Variants in RFC3 observed in about 807,000 individuals in gnomAD.
The protein encoded by RFC3 is A1 38 kDa subunit.
A neutral mutation model predicts 45.1 loss-of-function variants in RFC3; 41 were observed. That is an observed-to-expected ratio of 0.91 (90% CI 0.71 to 1.18). The LOEUF (loss-of-function observed/expected upper bound fraction) is 1.18. RFC3 is among the 50% of genes most tolerant of loss of function. RFC3 has a pLI of 0.00. For missense variants in RFC3, 423 were observed against 428.1 expected, an observed-to-expected ratio of 0.99 and a Z score of 0.10; for synonymous variants, 149 against 144.0, an observed-to-expected ratio of 1.03 and a Z score of -0.25.
chr13:33,832,589 G>T (rs553900281), intron 7 of RFC3, among the ~76,000 whole-genome samples: 1 of 152,080 alleles, frequency 6.6e-6, no homozygotes, highest in Non-Finnish European at 1.5e-5. Context: ...TGAAGAAATC[G>T]ATAGTTTTCT....
In RFC3 at chr13:33,915,800, A is replaced by C. The variant is rs538363561; in HGVS notation, c.880-50287A>C. Among the ~76,000 whole-genome samples the C allele has an allele frequency of 4.0e-4, 60 of 150,708 alleles. 1 individual carries two copies. The South Asian group carries it at 0.012, about 30-fold the overall frequency. On this transcript the variant is annotated intron_variant, in intron 8 of 8. Transcript: ENST00000434425. ...GCAATAATTATATTTCTATATTTCTATATATATATATATTTTGAGAGAGAG... is the reference window on the plus strand; with the variant it reads ...GCAATAATTATATTTCTATATTTCTCTATATATATATATTTTGAGAGAGAG...
intron 8 of RFC3, among the ~76,000 whole-genome samples, chr13:33,961,727 C>T (rs2083058292): frequency 6.6e-6 from 1 of 152,160 alleles, no homozygotes; most frequent in Non-Finnish European, 1.5e-5. Context: ...ACAAGAGGAA[C>T]ACTCAAGACA....
intron 8 of RFC3, among the ~76,000 whole-genome samples, chr13:33,845,459 CT>C (rs1402928050): frequency 6.6e-6 from 1 of 152,002 alleles, no homozygotes; most frequent in Admixed American, 6.6e-5. Flanking sequence ...ATGCTTCATT[CT>C]TTTTTATTCT....
downstream of RFC3, among the ~76,000 whole-genome samples, chr13:33,842,096 A>G (rs1314043636): frequency 6.6e-6 from 1 of 152,144 alleles, no homozygotes; most frequent in African/African-American, 2.4e-5. Flanking sequence ...TCTGGGCAAC[A>G]TATTGAGACC....
At chr13:33,971,276 A>G (rs141507783), downstream of RFC3, among the ~76,000 whole-genome samples, 2 of 152,314 alleles carry the variant, frequency 1.3e-5, no homozygotes, top group South Asian at 2.1e-4. Context: ...TTGACCTTTG[A>G]GTTTTTATAA....
intron 8 of RFC3, among the ~76,000 whole-genome samples, chr13:33,928,893 A>T (rs2082834052): frequency 6.6e-6 from 1 of 152,102 alleles, no homozygotes; most frequent in South Asian, 2.1e-4. Context: ...TAGAATTGGG[A>T]TTCTTTGTAG....
chr13:33,897,303 T>G (rs1662148111), intron 8 of RFC3, among the ~76,000 whole-genome samples: 1 of 152,058 alleles, frequency 6.6e-6, no homozygotes, highest in South Asian at 2.1e-4. Context: ...TTCTATTCTT[T>G]GTTTCTATTT....
intron 8 of RFC3, among the ~76,000 whole-genome samples, chr13:33,835,607 C>T (rs2082146529): frequency 6.6e-6 from 1 of 152,140 alleles, no homozygotes. Flanking sequence ...TTTCTATTCA[C>T]ATAGAAACAA....
At chr13:33,864,928 A>T (rs2082363655) in intron 8 of RFC3, among the ~76,000 whole-genome samples, 1 of 152,084 alleles carries the variant, frequency 6.6e-6, no homozygotes. Context: ...GGCGATTTTG[A>T]GATGTAAAGA....
intron 8 of RFC3, among the ~76,000 whole-genome samples, chr13:33,856,307 G>T (rs2082308602): frequency 6.6e-6 from 1 of 152,096 alleles, no homozygotes; most frequent in Non-Finnish European, 1.5e-5. Context: ...GACACAGACA[G>T]GTAAACAGCA....
At chr13:33,828,320 C>T (rs1021811830) in intron 4 of RFC3, among the ~76,000 whole-genome samples, 1 of 152,140 alleles carries the variant, frequency 6.6e-6, no homozygotes, top group South Asian at 2.1e-4. Context: ...TAGTCTGGAA[C>T]TCCTGTCCTC....
intron 8 of RFC3, among the ~76,000 whole-genome samples, chr13:33,881,733 C>T (rs2082486139): frequency 6.6e-6 from 1 of 152,206 alleles, no homozygotes; most frequent in Admixed American, 6.5e-5. Flanking sequence ...CCAGTTCTCT[C>T]AGTCCCGTGC....
At chr13:33,945,973 T>C (rs755916957) in intron 8 of RFC3, among the ~76,000 whole-genome samples, 2 of 152,206 alleles carry the variant, frequency 1.3e-5, no homozygotes, top group Non-Finnish European at 2.9e-5. Context: ...TGCTTTCTGA[T>C]CTTACTGCCA....
chr13:33,830,849 T>C lies in RFC3; in HGVS notation c.704T>C (p.Val235Ala). The C allele has an allele frequency of 6.2e-7, 1 of 1,611,584 alleles. No homozygotes were observed. Among genetic ancestry groups the C allele is most frequent in the Non-Finnish European group, 8.5e-7 (1 of 1,179,280 alleles). ...CTGCTTATGTGTGAAGCCTGCAGAG[T>C]GCAACAGTGAGTGGAAGGGGTAGTT... Reference protein sequence around the residue: ...KALLMCEACRVQQYPFTADQE... With the variant: ...KALLMCEACRAQQYPFTADQE... The change falls in exon 6 of 9, where the codon GTG (valine) becomes GCG (alanine). Residue 235 changes from valine to alanine, a missense_variant. Coordinates refer to ENST00000380071, the MANE Select transcript of RFC3 (RefSeq NM_002915.4).
In RFC3 at chr13:33,928,408, T is replaced by G. The variant is rs942054087; in HGVS notation, c.880-37679T>G. On this transcript the variant is annotated intron_variant, in intron 8 of 8. Coordinates refer to the RFC3 transcript ENST00000434425. ...ATTTTCCAATCAAGTTGTATAGTGATGGCAGGATTGCTCACCTCTCATAAA... is the reference window on the plus strand; with the variant it reads ...ATTTTCCAATCAAGTTGTATAGTGAGGGCAGGATTGCTCACCTCTCATAAA... Among the ~76,000 whole-genome samples the G allele has an allele frequency of 2.6e-5, 4 of 152,160 alleles. No homozygotes were observed. In the East Asian group the frequency reaches 7.7e-4, roughly 29 times the overall value.
Position 33,836,532 on chromosome 13 carries a change from T to C in RFC3, c.*237T>C. 1.6e-6 allele frequency: 2 copies of C among 1,215,388 alleles called. No individual in the cohort carries two copies. The highest frequency in any genetic ancestry group is 2.1e-6 in the Non-Finnish European group (2 of 970,844). The allele number at this position is 1,215,388 out of a possible 1,614,324, so 75.3% of individuals were successfully genotyped here. A position where few individuals can be genotyped will look rare whatever the true frequency, so the allele number is the denominator to read the frequency against. On this transcript the variant is annotated 3_prime_UTR_variant, in exon 9 of 9. Coordinates refer to ENST00000380071, the MANE Select transcript of RFC3 (RefSeq NM_002915.4). Reference sequence around the variant, plus strand: ...TTAGAGTCTAAGAAAATGATCTTAATTTACTTTAAGCATTGGTTATTCAAG... The same window carrying C: ...TTAGAGTCTAAGAAAATGATCTTAACTTACTTTAAGCATTGGTTATTCAAG...
chr13:33,890,839 A>G (rs542068368), intron 8 of RFC3, among the ~76,000 whole-genome samples: 8 of 152,264 alleles, frequency 5.3e-5, no homozygotes, highest in East Asian at 1.9e-4. Context: ...AACTAGGCCA[A>G]TGGGATTCCT....
At chr13:33,886,074 CTCT>C (rs1478373051) in intron 8 of RFC3, among the ~76,000 whole-genome samples, 1 of 152,100 alleles carries the variant, frequency 6.6e-6, no homozygotes, top group Non-Finnish European at 1.5e-5. Context: ...CTGCCTGACT[CTCT>C]TCTTGTAATT....
At chr13:33,851,334 A>C (rs1431168035) in intron 8 of RFC3, among the ~76,000 whole-genome samples, 1 of 152,196 alleles carries the variant, frequency 6.6e-6, no homozygotes, top group Non-Finnish European at 1.5e-5. Context: ...GTTGAAAATC[A>C]ACATAGAACT....
Sources: allele counts gnomAD v4.1 joint callset (sites outside exome capture counted in the v4.1 genomes callset), GRCh38; gene constraint gnomAD v4.1.1; transcripts MANE v1.5; gene names NCBI Gene and HGNC (gene_info 2026-07-23, HGNC 2026-07-21).